RCL1: variants seen among roughly 807,000 people sequenced by gnomAD.
RCL1 encodes RNA 3'-terminal phosphate cyclase-like protein.
RCL1 carries 24 observed loss-of-function variants against 42.4 expected under a neutral mutation model. That is an observed-to-expected ratio of 0.57 (90% CI 0.41 to 0.80). The LOEUF (loss-of-function observed/expected upper bound fraction) is 0.80, where lower values mean the gene tolerates loss of function less well. RCL1 is among the 30% of genes least tolerant of loss of function. The pLI is 0.00. For missense variants in RCL1, 578 were observed against 467.9 expected (o/e 1.24, Z -2.17); for synonymous variants, 228 against 177.3 (o/e 1.29, Z -2.27).
Position 4,839,892 on chromosome 9 carries a change from G to A in RCL1, c.585-1340G>A, listed in dbSNP as rs184084449. On this transcript the variant is annotated intron_variant, in intron 5 of 8. Transcript: ENST00000381750. ...CAAGTGGAGCTAACACTTGGGTGCC[G>A]GCTGGAGGGTTTCAGGAGAGAGATT... 2.9e-5 allele frequency: 29 copies of A among 985,630 alleles called. No individual in the cohort carries two copies. In the Middle Eastern group the frequency reaches 2.1e-3, roughly 71 times the overall value. The allele number at this position is 985,630 out of a possible 1,614,324, so 61.1% of individuals were successfully genotyped here.
chr9:4,793,160 T>A lies in RCL1; in HGVS notation c.69T>A (p.Ser23=). The A allele has an allele frequency of 6.2e-7, 1 of 1,612,126 alleles. No individual in the cohort carries two copies. Among genetic ancestry groups the A allele is most frequent in the Non-Finnish European group, 8.5e-7 (1 of 1,179,216 alleles). The change falls in exon 1 of 9, where the codon TCT becomes TCA. Residue 23 remains serine (S), a synonymous_variant. Transcript: ENST00000381750. ...CNFLRQRLVL[S]TLSGRPVKIR... is the part of the protein sequence containing the mutation. ...TCTTGCGCCAACGTCTGGTCCTGTC[T>A]ACCCTGAGCGGGCGCCCCGTCAAAA...
intron 1 of RCL1, among the ~76,000 whole-genome samples, chr9:4,820,306 C>T (rs1164144315): frequency 2.6e-5 from 4 of 152,124 alleles, no homozygotes; most frequent in Non-Finnish European, 5.9e-5. Context: ...TTTGATCTTA[C>T]CATTATTAGG....
chr9:4,859,191 C>T (rs1041450417), intron 8 of RCL1, among the ~76,000 whole-genome samples: 10 of 152,162 alleles, frequency 6.6e-5, no homozygotes, highest in African/African-American at 2.4e-4. Flanking sequence ...ATTGCTCTTC[C>T]CAAGGTACTC....
chr9:4,826,038 T>G (rs1407211512), intron 2 of RCL1, among the ~76,000 whole-genome samples: 1 of 150,934 alleles, frequency 6.6e-6, no homozygotes, highest in East Asian at 1.9e-4. Context: ...AAGACTATCC[T>G]GGACAACATA....
At chr9:4,841,507 A>G in intron 6 of RCL1, 150 bp downstream of exon 6, 1 of 672,738 alleles carries the variant, frequency 1.5e-6, no homozygotes, top group South Asian at 1.9e-5. Context: ...GTTGTCACCA[A>G]CAGGCATTTC....
chr9:4,807,105 G>C (rs1048202305), intron 1 of RCL1, among the ~76,000 whole-genome samples: 3 of 152,132 alleles, frequency 2.0e-5, no homozygotes, highest in Admixed American at 2.0e-4. Flanking sequence ...TATTCCCGAT[G>C]TTGCTAATTG....
chr9:4,855,052 CAAAAA>C (rs774233424), intron 8 of RCL1, among the ~76,000 whole-genome samples: 1 of 59,842 alleles, frequency 1.7e-5, no homozygotes, highest in Non-Finnish European at 3.1e-5. Context: ...GACTCCGTCT[CAAAAA>C]AAAAAAAAAA....
At chr9:4,827,363 C>T in intron 3 of RCL1, 3 of 957,608 alleles carry the variant, frequency 3.1e-6, no homozygotes, top group Non-Finnish European at 4.4e-6. Context: ...TTGTAAGATC[C>T]TGTGGTAGCT....
intron 2 of RCL1, among the ~76,000 whole-genome samples, chr9:4,825,684 C>G (rs1269678364): frequency 6.6e-6 from 1 of 152,148 alleles, no homozygotes; most frequent in Non-Finnish European, 1.5e-5. Flanking sequence ...CCTTGTTCAA[C>G]CATTTATGTC....
rs868846392 is a variant in RCL1 at position 4,822,360 on chromosome 9, G to C, written c.137-1188G>C. On this transcript the variant is annotated intron_variant, in intron 1 of 8. Transcript: ENST00000381750. ...AGTTAGTCTTTCTGTCCTTGTTCAT[G>C]GGCAGGAAGTTAAAACTAAGGGGTG... Among the ~76,000 whole-genome samples, 3 of 152,306 alleles carry C rather than the reference G, an allele frequency of 2.0e-5. No individual in the cohort carries two copies. The Middle Eastern group carries it at 0.01, about 518-fold the overall frequency.
chr9:4,819,314 C>T (rs945280619), intron 1 of RCL1, among the ~76,000 whole-genome samples: 2 of 152,224 alleles, frequency 1.3e-5, no homozygotes, highest in African/African-American at 4.8e-5. Context: ...AATGCCATCA[C>T]TGATCTGATC....
At chr9:4,797,866 A>C (rs986222231) in intron 1 of RCL1, among the ~76,000 whole-genome samples, 1 of 152,206 alleles carries the variant, frequency 6.6e-6, no homozygotes, top group Non-Finnish European at 1.5e-5. Flanking sequence ...TACTGAAAGG[A>C]ATCTGAACCC....
intron 1 of RCL1, among the ~76,000 whole-genome samples, chr9:4,794,126 T>C (rs1361410240): frequency 6.6e-6 from 1 of 152,148 alleles, no homozygotes; most frequent in Non-Finnish European, 1.5e-5. Context: ...TGTCTGTAAA[T>C]TGAAAAAGAG....
chr9:4,807,678 C>T (rs1816026335), intron 1 of RCL1, among the ~76,000 whole-genome samples: 1 of 152,112 alleles, frequency 6.6e-6, no homozygotes, highest in Non-Finnish European at 1.5e-5. Flanking sequence ...CACAAACACA[C>T]CTGGCTAATT....
rs777533840 is a variant in RCL1, at chr9:4,827,048, C to G, written c.384+15C>G. 22 of 1,614,032 alleles carry G rather than the reference C, an allele frequency of 1.4e-5. No individual in the cohort carries two copies. The African/African-American group carries it at 2.9e-4, about 22-fold the overall frequency. ...TTGACCCTTCAGTGAGTATTGAGAA[C>G]AAACCGTGGTGTGGTTTTTGTTTTG... On this transcript the variant is annotated intron_variant, in intron 3 of 8. Coordinates refer to ENST00000381750, the MANE Select transcript of RCL1 (RefSeq NM_005772.5).
At chr9:4,849,946 A>G (rs1000101938) in intron 8 of RCL1, among the ~76,000 whole-genome samples, 8 of 152,090 alleles carry the variant, frequency 5.3e-5, no homozygotes, top group Non-Finnish European at 7.4e-5. Flanking sequence ...ATGATAGGAT[A>G]TGAGCTCACT....
At chr9:4,825,353 C>G (rs778743246) in intron 2 of RCL1, among the ~76,000 whole-genome samples, 1 of 152,110 alleles carries the variant, frequency 6.6e-6, no homozygotes, top group Admixed American at 6.5e-5. Flanking sequence ...AATAAACATA[C>G]GGATTTGAAG....
intron 1 of RCL1, among the ~76,000 whole-genome samples, chr9:4,820,798 A>G (rs1414651297): frequency 6.6e-6 from 1 of 152,240 alleles, no homozygotes; most frequent in African/African-American, 2.4e-5. Flanking sequence ...TGTTAAAAAG[A>G]TCGTAGAAAT....
chr9:4,816,950 G>A (rs1269644295), intron 1 of RCL1, among the ~76,000 whole-genome samples: 1 of 152,152 alleles, frequency 6.6e-6, no homozygotes, highest in Non-Finnish European at 1.5e-5. Context: ...CCAGGTAGCT[G>A]GGACTACAGG....
Sources: gnomAD v4.1 joint callset for allele counts (sites outside exome capture counted in the v4.1 genomes callset) on GRCh38, gnomAD v4.1.1 for gene constraint, MANE v1.5 for transcripts, NCBI Gene and HGNC (gene_info 2026-07-23, HGNC 2026-07-21) for gene names.